Variants in PDE4B observed in about 807,000 individuals in gnomAD.
The protein encoded by PDE4B is 3',5'-cyclic-AMP phosphodiesterase 4B.
PDE4B carries 20 observed loss-of-function variants against 82.2 expected under a neutral mutation model. The observed-to-expected ratio is 0.24, with a 90% CI of 0.17 to 0.35. The LOEUF (loss-of-function observed/expected upper bound fraction) is 0.35. PDE4B is among the 10% of genes least tolerant of loss of function. PDE4B has a pLI of 1.00. For missense variants in PDE4B, 655 were observed against 907.2 expected (o/e 0.72, Z 3.57); for synonymous variants, 320 against 318.9 (o/e 1.00, Z -0.04).
intron 3 of PDE4B, among the ~76,000 whole-genome samples, chr1:66,244,666 G>T (rs1046173679): frequency 1.3e-5 from 2 of 152,102 alleles, no homozygotes; most frequent in Non-Finnish European, 2.9e-5. Flanking sequence ...CATCTGTGTT[G>T]GTTGCTTTGA....
intron 3 of PDE4B, among the ~76,000 whole-genome samples, chr1:66,145,510 C>T (rs1646251797): frequency 6.6e-6 from 1 of 152,136 alleles, no homozygotes. Context: ...GTGCTATGGG[C>T]TCTTATGGGC....
chr1:65,844,213 A>G (rs1056923121), intron 1 of PDE4B, among the ~76,000 whole-genome samples: 2 of 152,224 alleles, frequency 1.3e-5, no homozygotes, highest in African/African-American at 4.8e-5. Context: ...TCAACAGAAT[A>G]AAAGTATTTA....
chr1:66,339,198 C>T (rs1015997673), intron 8 of PDE4B, among the ~76,000 whole-genome samples: 2 of 152,130 alleles, frequency 1.3e-5, no homozygotes, highest in African/African-American at 4.8e-5. Context: ...AACATGTCCA[C>T]TGTTTTCCTT....
chr1:66,077,609 A>G (rs1656503042), intron 3 of PDE4B, among the ~76,000 whole-genome samples: 1 of 152,252 alleles, frequency 6.6e-6, no homozygotes, highest in East Asian at 1.9e-4. Flanking sequence ...TGCCCTGACT[A>G]TAATTCTGGT....
intron 3 of PDE4B, among the ~76,000 whole-genome samples, chr1:66,080,490 T>C (rs1045496806): frequency 1.3e-5 from 2 of 152,130 alleles, no homozygotes; most frequent in Non-Finnish European, 2.9e-5. Context: ...ACATAATTAT[T>C]GAAAACATTA....
chr1:66,024,179 G>A (rs990338990), intron 3 of PDE4B, among the ~76,000 whole-genome samples: 1 of 152,084 alleles, frequency 6.6e-6, no homozygotes, highest in South Asian at 2.1e-4. Context: ...AAGTCCTAGA[G>A]GATAGAAAAA....
rs185296004 is a variant in PDE4B, at chr1:66,291,984, C to T, written c.634+25897C>T. Among the ~76,000 whole-genome samples, 50 of 152,164 alleles carry T rather than the reference C, an allele frequency of 3.3e-4. No individual in the cohort carries two copies. In the East Asian group the frequency reaches 5.8e-3, roughly 18 times the overall value. ...ATATGGATTTGCATGGAGCCATTCA[C>T]GCATTCTGCACATAATTAGAGCCAA... On this transcript the variant is annotated intron_variant, in intron 7 of 16. Transcript: ENST00000341517.
chr1:66,092,808 T>C (rs1645049703), intron 3 of PDE4B, among the ~76,000 whole-genome samples: 1 of 151,938 alleles, frequency 6.6e-6, no homozygotes, highest in Non-Finnish European at 1.5e-5. Context: ...AGGATAAGCA[T>C]GTGCAAAGAC....
intron 3 of PDE4B, among the ~76,000 whole-genome samples, chr1:66,233,900 T>A (rs1181725870): frequency 6.6e-6 from 1 of 152,202 alleles, no homozygotes; most frequent in Non-Finnish European, 1.5e-5. Context: ...CCTCTTCATA[T>A]GTTATTAGAT....
At chr1:65,810,347 G>T (rs1454855376) in intron 1 of PDE4B, among the ~76,000 whole-genome samples, 1 of 152,186 alleles carries the variant, frequency 6.6e-6, no homozygotes, top group Non-Finnish European at 1.5e-5. Context: ...TGCTTTAAAT[G>T]CAGTCTCATT....
chr1:66,285,243 G>C (rs1034254234), intron 7 of PDE4B, among the ~76,000 whole-genome samples: 2 of 151,848 alleles, frequency 1.3e-5, no homozygotes, highest in Non-Finnish European at 2.9e-5. Flanking sequence ...TCCACTCTTA[G>C]ATATCTACAC....
At chr1:66,131,179 G>A (rs553821207) in intron 3 of PDE4B, among the ~76,000 whole-genome samples, 1 of 152,218 alleles carries the variant, frequency 6.6e-6, no homozygotes, top group South Asian at 2.1e-4. Flanking sequence ...AGGTAGAGTG[G>A]ATATGTCCAA....
chr1:65,804,863 G>T (rs913901215), intron 1 of PDE4B, among the ~76,000 whole-genome samples: 1 of 149,482 alleles, frequency 6.7e-6, no homozygotes, highest in Non-Finnish European at 1.5e-5. Flanking sequence ...TAGAGTAGAG[G>T]TGCTTATTTT....
chr1:66,129,306 T>A (rs913705970), intron 3 of PDE4B, among the ~76,000 whole-genome samples: 3 of 151,960 alleles, frequency 2.0e-5, no homozygotes, highest in Non-Finnish European at 2.9e-5. Context: ...AGCATAATAG[T>A]CAAAATTAGA....
chr1:66,294,868 T>C (rs919338080), intron 7 of PDE4B, among the ~76,000 whole-genome samples: 5 of 152,122 alleles, frequency 3.3e-5, no homozygotes, highest in Admixed American at 2.0e-4. Flanking sequence ...GAGAAAGATA[T>C]TGCATAGGAT....
chr1:66,112,808 C>T (rs912955749), intron 3 of PDE4B: 1 of 152,228 alleles, frequency 6.6e-6, no homozygotes, highest in African/African-American at 2.4e-5. Context: ...AGCAAATCAT[C>T]ATAGCAACTC....
rs905086126 is a variant in PDE4B, at chr1:66,373,144, T to G, written c.*466T>G. 2.3e-4 allele frequency: 36 copies of G among 157,206 alleles called. No homozygotes were observed. Among genetic ancestry groups the G allele is most frequent in the African/African-American group, 8.7e-4 (36 of 41,536 alleles). 9.7% of individuals were successfully genotyped at this position (157,206 alleles called of 1,614,324 possible). ...TGAATACCTGGAGTTTAGTATCAAC[T>G]TCTACACAGATAAGCTTTCAAAGTT... On this transcript the variant is annotated 3_prime_UTR_variant, in exon 17 of 17. Transcript: ENST00000341517.
At chr1:66,009,957 T>TATCTATC (rs1557494947) in intron 3 of PDE4B, among the ~76,000 whole-genome samples, 330 of 141,048 alleles carry the variant, frequency 2.3e-3, no homozygotes, top group African/African-American at 7.1e-3. Context: ...ATCTATCATC[T>TATCTATC]ATCTATCTAA....
At chr1:66,147,458 G>C (rs186587958) in intron 3 of PDE4B, among the ~76,000 whole-genome samples, 1 of 152,312 alleles carries the variant, frequency 6.6e-6, no homozygotes, top group Admixed American at 6.5e-5. Context: ...ACAGTGCACT[G>C]TCTATGACAC....
Sources: allele counts gnomAD v4.1 joint callset (sites outside exome capture counted in the v4.1 genomes callset), GRCh38; gene constraint gnomAD v4.1.1; transcripts MANE v1.5; gene names NCBI Gene and HGNC (gene_info 2026-07-23, HGNC 2026-07-21).